CLEC16A: variants seen among roughly 807,000 people sequenced by gnomAD.
CLEC16A encodes C-type lectin domain containing 16A, also known as protein CLEC16A.
CLEC16A carries 51 observed loss-of-function variants against 109.5 expected under a neutral mutation model. That is an observed-to-expected ratio of 0.47 (90% CI 0.37 to 0.59). CLEC16A has a LOEUF of 0.59. Among genes scored for constraint, CLEC16A ranks in the 20% least tolerant of loss-of-function variants. The pLI is 0.00. For missense variants in CLEC16A, 1,339 were observed against 1,394.0 expected, an observed-to-expected ratio of 0.96 and a Z score of 0.63; for synonymous variants, 673 against 564.2, an observed-to-expected ratio of 1.19 and a Z score of -2.73.
chr16:11,012,774 C>G (rs1167556342), intron 11 of CLEC16A, among the ~76,000 whole-genome samples: 3 of 152,284 alleles, frequency 2.0e-5, no homozygotes, highest in South Asian at 2.1e-4. Flanking sequence ...GCACGAGGTT[C>G]AAAACCAATC....
At chr16:11,134,868 C>T (rs1454974423) in intron 22 of CLEC16A, among the ~76,000 whole-genome samples, 1 of 152,218 alleles carries the variant, frequency 6.6e-6, no homozygotes, top group African/African-American at 2.4e-5. Context: ...CTGGTCTAGA[C>T]AGAATGTTCC....
At chr16:11,145,244 G>A (rs553252109) in intron 22 of CLEC16A, among the ~76,000 whole-genome samples, 1 of 152,334 alleles carries the variant, frequency 6.6e-6, no homozygotes, top group South Asian at 2.1e-4. Context: ...CACAGCCCTT[G>A]GAGCGGGAAA....
At chr16:11,000,666 G>A (rs867574905) in intron 10 of CLEC16A, among the ~76,000 whole-genome samples, 2 of 152,142 alleles carry the variant, frequency 1.3e-5, no homozygotes, top group Non-Finnish European at 1.5e-5. Context: ...TCTGTAATAC[G>A]CTATCTGGGT....
At chr16:10,990,232 C>T (rs1208810156) in intron 10 of CLEC16A, among the ~76,000 whole-genome samples, 2 of 152,180 alleles carry the variant, frequency 1.3e-5, no homozygotes, top group African/African-American at 4.8e-5. Flanking sequence ...TCCCCTAATC[C>T]CTCACTGCAG....
chr16:11,147,885 C>T (rs537696080), intron 22 of CLEC16A, among the ~76,000 whole-genome samples: 5 of 152,300 alleles, frequency 3.3e-5, no homozygotes, highest in South Asian at 2.1e-4. Flanking sequence ...CAACACATTC[C>T]GGAATAATTT....
rs201677797 is a variant in CLEC16A, at chr16:11,126,161, C to G, written c.2641+15C>G. On this transcript the variant is annotated intron_variant, in intron 22 of 23. Transcript: ENST00000409790. ...CAAGGTGCCAGGTGAGCCAGCCCCCCGCCCTGCGCCACAGCTCGTTCATCA... is the reference window on the plus strand; with the variant it reads ...CAAGGTGCCAGGTGAGCCAGCCCCCGGCCCTGCGCCACAGCTCGTTCATCA... The G allele has an allele frequency of 6.9e-5, 112 of 1,613,610 alleles. 1 individual carries two copies. In the Admixed American group the frequency reaches 7.5e-4, roughly 11 times the overall value.
At chr16:11,141,910 A>G (rs1044209637) in intron 22 of CLEC16A, among the ~76,000 whole-genome samples, 1 of 152,146 alleles carries the variant, frequency 6.6e-6, no homozygotes, top group Non-Finnish European at 1.5e-5. Flanking sequence ...TTGAGAGGTG[A>G]GCTGACCAGC....
At chr16:11,009,940 G>A (rs985352974) in intron 11 of CLEC16A, among the ~76,000 whole-genome samples, 1 of 152,148 alleles carries the variant, frequency 6.6e-6, no homozygotes, top group Non-Finnish European at 1.5e-5. Context: ...GATCACCTGA[G>A]CCCAGAAGTT....
At chr16:10,980,418 G>A (rs1170480541) in intron 9 of CLEC16A, among the ~76,000 whole-genome samples, 1 of 151,808 alleles carries the variant, frequency 6.6e-6, no homozygotes, top group Non-Finnish European at 1.5e-5. Context: ...AAGTCTGCCG[G>A]CATCTCCTGC....
At chr16:10,969,332 C>A (rs150362241) in intron 4 of CLEC16A, 23 bp downstream of exon 4, 5 of 1,544,836 alleles carry the variant, frequency 3.2e-6, no homozygotes, top group East Asian at 2.3e-5. Flanking sequence ...CAGAGGGGCA[C>A]GTGTGGGTGT....
rs201118929 is a variant in CLEC16A at position 11,178,344 on chromosome 16, T to C, written c.2816T>C (p.Met939Thr). Residue 939 changes from methionine (M) to threonine (T), a missense_variant, in exon 24 of 24, where the codon ATG becomes ACG. Around this residue, in one of 3 missense-constraint regions of CLEC16A, gnomAD observed 1,061 missense variants for 1,006.8 expected, o/e 1.05. Transcript: ENST00000409790. The surrounding 1 kb of genome is among the most constrained non-coding windows in gnomAD (Gnocchi z 6.5). ...STAQSPADAP[M>T]SPELPKPHLP... ...TTCTCCCCCAATCCAGATGCCCCCA[T>C]GAGTCCAGAACTGCCTAAGCCTCAC... The C allele has an allele frequency of 6.2e-7, 1 of 1,605,108 alleles. No individual in the cohort carries two copies. The highest frequency in any genetic ancestry group is 2.2e-5 in the East Asian group (1 of 44,612).
intron 19 of CLEC16A, among the ~76,000 whole-genome samples, chr16:11,099,695 C>T (rs1409928110): frequency 6.6e-6 from 1 of 152,160 alleles, no homozygotes; most frequent in Non-Finnish European, 1.5e-5. Flanking sequence ...CAGGCGTCCT[C>T]GTCTGGAACT....
chr16:11,044,484 T>C (rs1318345247), intron 16 of CLEC16A, among the ~76,000 whole-genome samples: 2 of 152,234 alleles, frequency 1.3e-5, no homozygotes, highest in Admixed American at 6.5e-5. Context: ...ACCATATACA[T>C]GTATATTATT....
intron 10 of CLEC16A, among the ~76,000 whole-genome samples, chr16:10,986,787 TTTTC>T (rs1251070280): frequency 4.7e-5 from 7 of 149,202 alleles, no homozygotes; most frequent in South Asian, 2.1e-4. Flanking sequence ...CACATTTTCT[TTTTC>T]TTTCTTTATC....
intron 20 of CLEC16A, 36 bp from the exon 21 acceptor site, chr16:11,123,706 C>T (rs377573493): frequency 1.9e-6 from 3 of 1,608,648 alleles, no homozygotes; most frequent in African/African-American, 1.3e-5. Context: ...CTCCCAAACC[C>T]AACGAATGCC....
intron 19 of CLEC16A, chr16:11,066,808 C>T (rs939136178): frequency 3.9e-5 from 6 of 152,150 alleles, no homozygotes; most frequent in African/African-American, 1.4e-4. Context: ...TGTGAGTGCT[C>T]TCCCAGGCTT....
intron 7 of CLEC16A, among the ~76,000 whole-genome samples, chr16:10,975,298 C>T (rs1182719126): frequency 6.6e-6 from 1 of 152,098 alleles, no homozygotes; most frequent in Non-Finnish European, 1.5e-5. Flanking sequence ...CACTGCACTC[C>T]AGCCTGGGTG....
chr16:11,019,474 G>A (rs2045963943), intron 11 of CLEC16A, among the ~76,000 whole-genome samples: 1 of 152,202 alleles, frequency 6.6e-6, no homozygotes, highest in East Asian at 1.9e-4. Flanking sequence ...TATTAAAAAT[G>A]TAAGCAGCTT....
intron 13 of CLEC16A, among the ~76,000 whole-genome samples, chr16:11,032,529 T>G (rs1404919171): frequency 6.6e-6 from 1 of 152,208 alleles, no homozygotes; most frequent in African/African-American, 2.4e-5. Flanking sequence ...TGAGTCTCAC[T>G]GAAGTGAACA....
Sources: gnomAD v4.1 joint callset for allele counts (sites outside exome capture counted in the v4.1 genomes callset) on GRCh38, gnomAD v4.1.1 for gene constraint, gnomAD v4.1.1 regional missense constraint, Gnocchi (gnomAD v3.1) non-coding constraint, MANE v1.5 for transcripts, NCBI Gene and HGNC (gene_info 2026-07-23, HGNC 2026-07-21) for gene names.